Variants in FAT3 observed in about 807,000 individuals in gnomAD.
The protein encoded by FAT3 is protocadherin Fat 3.
In FAT3, 95 loss-of-function variants were observed where a neutral mutation model predicts 310.2. The observed-to-expected ratio is 0.31, with a 90% CI of 0.26 to 0.36. The LOEUF (loss-of-function observed/expected upper bound fraction) is 0.36. Ranked by LOEUF, FAT3 falls within the 10% of genes least tolerant of loss-of-function variation. The pLI, the probability that FAT3 is intolerant of heterozygous loss-of-function variation, is 1.00. For synonymous variants in FAT3, 2,314 were observed against 2,192.9 expected, an observed-to-expected ratio of 1.06 and a Z score of -1.54; for missense variants, 5,408 against 5,715.6, an observed-to-expected ratio of 0.95 and a Z score of 1.74.
intron 2 of FAT3, among the ~76,000 whole-genome samples, chr11:92,445,159 C>T (rs1282976947): frequency 2.0e-5 from 3 of 152,152 alleles, no homozygotes; most frequent in African/African-American, 7.2e-5. Context: ...AAATAAAATA[C>T]GTTATTTAAG....
At chr11:92,613,392 TA>T (rs1471965877) in intron 3 of FAT3, among the ~76,000 whole-genome samples, 1 of 100,200 alleles carries the variant, frequency 1.0e-5, no homozygotes, top group Non-Finnish European at 2.0e-5. Context: ...AGTAATTAAA[TA>T]TTTTTTTTAA....
intron 1 of FAT3, among the ~76,000 whole-genome samples, chr11:92,236,524 G>C (rs1195958589): frequency 1.3e-5 from 2 of 152,158 alleles, no homozygotes; most frequent in East Asian, 1.9e-4. Context: ...TGAATGAATA[G>C]AAATTGGAAA....
intron 3 of FAT3, among the ~76,000 whole-genome samples, chr11:92,658,084 A>G (rs536584970): frequency 3.9e-4 from 59 of 152,358 alleles, no homozygotes; most frequent in African/African-American, 1.4e-3. Context: ...AATATTAAGC[A>G]TGAATAAGAT....
intron 1 of FAT3, among the ~76,000 whole-genome samples, chr11:92,284,705 G>A (rs1030923876): frequency 6.6e-5 from 10 of 152,038 alleles, no homozygotes; most frequent in African/African-American, 1.2e-4. Flanking sequence ...AGACTTTGTC[G>A]CTCTTGACCC....
chr11:92,869,977 A>C (rs1182497787), intron 22 of FAT3, among the ~76,000 whole-genome samples: 1 of 152,210 alleles, frequency 6.6e-6, no homozygotes, highest in Admixed American at 6.5e-5. Context: ...CTGCTTGCAC[A>C]TGAGGCTGAT....
intron 2 of FAT3, among the ~76,000 whole-genome samples, chr11:92,433,668 G>A (rs1042492790): frequency 3.3e-5 from 5 of 152,114 alleles, no homozygotes; most frequent in African/African-American, 1.2e-4. Flanking sequence ...GACCAGAGCT[G>A]TTCTTATTCG....
chr11:92,669,855 T>C (rs779435880), intron 3 of FAT3, among the ~76,000 whole-genome samples: 2 of 152,204 alleles, frequency 1.3e-5, no homozygotes, highest in African/African-American at 2.4e-5. Flanking sequence ...GTGAAGATTA[T>C]ATGAGAGCAT....
At chr11:92,819,750 G>T (rs554874152) in intron 13 of FAT3, among the ~76,000 whole-genome samples, 1 of 152,260 alleles carries the variant, frequency 6.6e-6, no homozygotes, top group Admixed American at 6.5e-5. Context: ...CAAAGTAGTG[G>T]TAAGTAGAGG....
intron 1 of FAT3, among the ~76,000 whole-genome samples, chr11:92,292,510 A>G (rs981829339): frequency 6.6e-6 from 1 of 152,068 alleles, no homozygotes; most frequent in African/African-American, 2.4e-5. Flanking sequence ...GAAAATTAGC[A>G]TGTGTAGTTT....
intron 3 of FAT3, among the ~76,000 whole-genome samples, chr11:92,661,749 T>C (rs897861016): frequency 8.5e-5 from 13 of 152,100 alleles, no homozygotes; most frequent in African/African-American, 3.1e-4. Context: ...CAGAAAGAAC[T>C]GAAGAGGAGA....
intron 3 of FAT3, among the ~76,000 whole-genome samples, chr11:92,554,439 G>A (rs1478094046): frequency 1.7e-5 from 2 of 118,070 alleles, no homozygotes; most frequent in Non-Finnish European, 3.2e-5. Flanking sequence ...TCCAACCTGG[G>A]CGAAAGAGTG....
intron 3 of FAT3, among the ~76,000 whole-genome samples, chr11:92,563,648 A>G (rs960194612): frequency 5.9e-5 from 9 of 151,986 alleles, no homozygotes; most frequent in Non-Finnish European, 1.2e-4. Context: ...CTTAAAATTC[A>G]TACCCTCAAA....
At chr11:92,367,761 C>T (rs1949066786) in intron 2 of FAT3, among the ~76,000 whole-genome samples, 1 of 152,152 alleles carries the variant, frequency 6.6e-6, no homozygotes, top group Non-Finnish European at 1.5e-5. Flanking sequence ...GGCCTTAGGC[C>T]CATCCTTCGG....
chr11:92,529,094 A>G (rs1169637675), intron 3 of FAT3, among the ~76,000 whole-genome samples: 1 of 152,224 alleles, frequency 6.6e-6, no homozygotes, highest in Admixed American at 6.5e-5. Context: ...GGGAGACATA[A>G]CAGAAATACA....
chr11:92,420,342 C>CA (rs1215708298), intron 2 of FAT3, among the ~76,000 whole-genome samples: 17 of 152,092 alleles, frequency 1.1e-4, no homozygotes. Context: ...TCTGCTTTCC[C>CA]AAAAGTGGCC....
chr11:92,657,064 G>C (rs567823409), intron 3 of FAT3, among the ~76,000 whole-genome samples: 1 of 152,266 alleles, frequency 6.6e-6, no homozygotes, highest in South Asian at 2.1e-4. Flanking sequence ...CTGTTCTACA[G>C]GAAGAGTGTT....
chr11:92,253,596 G>T (rs1865211201), intron 1 of FAT3, among the ~76,000 whole-genome samples: 1 of 152,068 alleles, frequency 6.6e-6, no homozygotes, highest in Admixed American at 6.6e-5. Flanking sequence ...GAACACCTAG[G>T]ACATATTTAT....
chr11:92,244,857 A>T (rs1340177061), intron 1 of FAT3, among the ~76,000 whole-genome samples: 1 of 152,126 alleles, frequency 6.6e-6, no homozygotes, highest in Non-Finnish European at 1.5e-5. Flanking sequence ...GTTGGAGAGG[A>T]TGTGGAGAAA....
In FAT3 at chr11:92,883,913, T is replaced by C. The variant is rs1357022111; in HGVS notation, c.12937+520T>C. On this transcript the variant is annotated intron_variant, in intron 24 of 27. Transcript: ENST00000525166. This position sits in a 1 kb window ranked among gnomAD's most constrained non-coding sequence, Gnocchi z 4.2. ...GCAGAGGGACACTTCAATTGGACCA[T>C]GATGAGTTAAAGAGTCTGGGGAAAG... 2.6e-5 allele frequency among the ~76,000 whole-genome samples: 4 copies of C among 152,072 alleles called. No individual in the cohort carries two copies. The highest frequency in any genetic ancestry group is 4.4e-5 in the Non-Finnish European group (3 of 68,010).
Sources: gnomAD v4.1 joint callset for allele counts (sites outside exome capture counted in the v4.1 genomes callset) on GRCh38, gnomAD v4.1.1 for gene constraint, Gnocchi (gnomAD v3.1) non-coding constraint, MANE v1.5 for transcripts, NCBI Gene and HGNC (gene_info 2026-07-23, HGNC 2026-07-21) for gene names.